AGMO: variants seen among roughly 807,000 people sequenced by gnomAD.
AGMO encodes glyceryl-ether monooxygenase.
In AGMO, 75 loss-of-function variants were observed where a neutral mutation model predicts 60.2. That is an observed-to-expected ratio of 1.25 (90% CI 1.03 to 1.51). The LOEUF (loss-of-function observed/expected upper bound fraction) is 1.51. Among genes scored for constraint, AGMO ranks in the 40% most tolerant of loss-of-function variants. The pLI is 0.00. For synonymous variants in AGMO, 261 were observed against 177.1 expected, an observed-to-expected ratio of 1.47 and a Z score of -3.76; for missense variants, 763 against 525.5, an observed-to-expected ratio of 1.45 and a Z score of -4.42.
rs542561156 is a variant in AGMO at position 15,389,866 on chromosome 7, T to C, written c.822+805A>G. Among the ~76,000 whole-genome samples, 8 of 152,306 alleles carry C rather than the reference T, an allele frequency of 5.3e-5. No homozygotes were observed. In the South Asian group the frequency reaches 1.4e-3, roughly 28 times the overall value. On this transcript the variant is annotated intron_variant, in intron 8 of 12. Transcript: ENST00000342526. ...AGCAGTGCACATAGTAGAAGCTCAA[T>C]AGATGTTAACAATTTTGTTATTTCA...
chr7:15,258,310 T>G (rs373695245), intron 12 of AGMO, among the ~76,000 whole-genome samples: 53 of 151,650 alleles, frequency 3.5e-4, no homozygotes, highest in Admixed American at 7.2e-4. Flanking sequence ...TTTCTTTTTT[T>G]GGGGGGGGTG....
At chr7:15,420,535 G>C (rs955788644) in intron 4 of AGMO, among the ~76,000 whole-genome samples, 2 of 152,046 alleles carry the variant, frequency 1.3e-5, no homozygotes, top group African/African-American at 4.8e-5. Flanking sequence ...GATTAATACT[G>C]TTCTAGAAAA....
chr7:15,302,827 A>G (rs1219013105), intron 12 of AGMO, among the ~76,000 whole-genome samples: 1 of 152,174 alleles, frequency 6.6e-6, no homozygotes, highest in Non-Finnish European at 1.5e-5. Context: ...ACTAGAGTTA[A>G]GCTTCATAAA....
chr7:15,420,157 G>A (rs951127646), intron 4 of AGMO, among the ~76,000 whole-genome samples: 1 of 152,072 alleles, frequency 6.6e-6, no homozygotes, highest in African/African-American at 2.4e-5. Flanking sequence ...AAAGTGTGGA[G>A]AAGCAGTCCC....
Position 15,354,494 on chromosome 7 carries a change from GTGTA to G in AGMO, c.1263+11016_1263+11019del, listed in dbSNP as rs1344969062. On this transcript the variant is annotated intron_variant, in intron 12 of 12. Coordinates refer to ENST00000342526, the MANE Select transcript of AGMO (RefSeq NM_001004320.2). The stretch of plus-strand genomic sequence containing the variant: ...TATACACACGTGTGTATATACACAC[GTGTA>G]TATATATATATATATATATATATAT... Among the ~76,000 whole-genome samples the G allele has an allele frequency of 1.0e-3, 12 of 11,598 alleles. 1 individual carries two copies. The highest frequency in any genetic ancestry group is 3.2e-3 in the South Asian group (1 of 312). 7.6% of individuals were successfully genotyped at this position (11,598 alleles called of 152,430 possible). A position where few individuals can be genotyped will look rare whatever the true frequency, so the allele number is the denominator to read the frequency against.
At position 15,365,510 on chromosome 7, in the gene AGMO, T is replaced by C; in HGVS notation, c.1263+4A>G. 1.2e-6 allele frequency: 2 copies of C among 1,603,874 alleles called. No individual in the cohort carries two copies. The highest frequency in any genetic ancestry group is 1.3e-5 in the African/African-American group (1 of 74,676). ...TCCTGTGGCTACCTAAACAAATGTC[T>C]TACCTCAAAAGCAGATGACAATGAA... On this transcript the variant is annotated splice_donor_region_variant and intron_variant, in intron 12 of 12. Transcript: ENST00000342526.
chr7:15,248,835 G>A (rs933546295), intron 12 of AGMO, among the ~76,000 whole-genome samples: 5 of 152,170 alleles, frequency 3.3e-5, no homozygotes, highest in Non-Finnish European at 7.3e-5. Context: ...TTAAAGTGAG[G>A]AGGCAATCTG....
chr7:15,426,047 T>G (rs897136357), intron 4 of AGMO, among the ~76,000 whole-genome samples: 4 of 152,224 alleles, frequency 2.6e-5, no homozygotes, highest in African/African-American at 9.6e-5. Flanking sequence ...TTCAAATATA[T>G]TTTATTGCAA....
intron 10 of AGMO, among the ~76,000 whole-genome samples, chr7:15,383,414 C>G (rs1432333803): frequency 6.6e-6 from 1 of 151,978 alleles, no homozygotes; most frequent in African/African-American, 2.4e-5. Context: ...CTGCCATATA[C>G]AATAAAAAAA....
rs141048152 is a variant in AGMO at position 15,410,914 on chromosome 7, T to A, written c.609+7644A>T. Among the ~76,000 whole-genome samples, 944 of 152,070 alleles carry A rather than the reference T, an allele frequency of 6.2e-3. 11 individuals are homozygous for A. The highest frequency in any genetic ancestry group is 0.021 in the African/African-American group (881 of 41,536). On this transcript the variant is annotated intron_variant, in intron 5 of 12. Coordinates refer to ENST00000342526, the MANE Select transcript of AGMO (RefSeq NM_001004320.2). ...GAAATATGAACTACATTTTTAATCC[T>A]CACAACAATGTATACCCTATGGTTG... is the stretch of plus-strand genomic sequence containing the variant.
intron 12 of AGMO, among the ~76,000 whole-genome samples, chr7:15,222,435 C>G (rs538036327): frequency 6.6e-6 from 1 of 151,962 alleles, no homozygotes; most frequent in African/African-American, 2.4e-5. Context: ...GTGGCTAGAG[C>G]GATTGAGATT....
intron 12 of AGMO, among the ~76,000 whole-genome samples, chr7:15,287,950 G>A (rs1409609948): frequency 1.3e-5 from 2 of 152,034 alleles, no homozygotes; most frequent in Admixed American, 1.3e-4. Context: ...TGGAAATCTT[G>A]ACTCTCAGAT....
chr7:15,208,584 G>A (rs568354362), intron 12 of AGMO, among the ~76,000 whole-genome samples: 103 of 152,290 alleles, frequency 6.8e-4, no homozygotes, highest in African/African-American at 2.2e-3. Flanking sequence ...TCTCTGCTGA[G>A]ATTTTTTATG....
chr7:15,553,815 T>C (rs983286591), intron 2 of AGMO, among the ~76,000 whole-genome samples: 3 of 152,254 alleles, frequency 2.0e-5, no homozygotes, highest in Admixed American at 2.0e-4. Flanking sequence ...CCCAATTTAT[T>C]ACTCCGTCAA....
rs558561558 is a variant in AGMO, at chr7:15,264,785, G to A, written c.1264-63426C>T. ...TAATTAAAAAGTCAAAATATAACAA[G>A]TGCTGGTGAGACTGGGGAGAAAAGG... On this transcript the variant is annotated intron_variant, in intron 12 of 12. Coordinates refer to ENST00000342526, the MANE Select transcript of AGMO (RefSeq NM_001004320.2). 2.1e-3 allele frequency among the ~76,000 whole-genome samples: 326 copies of A among 152,088 alleles called. 1 individual carries two copies. The highest frequency in any genetic ancestry group is 7.4e-3 in the African/African-American group (308 of 41,526).
rs1486326352 is a variant in AGMO, at chr7:15,248,224, A to ATATATC, written c.1264-46866_1264-46865insGATATA. On this transcript the variant is annotated intron_variant, in intron 12 of 12. Coordinates refer to ENST00000342526, the MANE Select transcript of AGMO (RefSeq NM_001004320.2). ...TATATATATATATATATATATATATATCTTCATCTTCAATTCTAGTCTAAA... is the reference window on the plus strand; with the variant it reads ...TATATATATATATATATATATATATATATATCTCTTCATCTTCAATTCTAGTCTAAA... 1.7e-3 allele frequency among the ~76,000 whole-genome samples: 167 copies of ATATATC among 98,590 alleles called. 3 individuals carry two copies. Among genetic ancestry groups the ATATATC allele is most frequent in the African/African-American group, 6.5e-3 (160 of 24,558 alleles). The allele number at this position is 98,590 out of a possible 152,430, so 64.7% of individuals were successfully genotyped here. A position where few individuals can be genotyped will look rare whatever the true frequency, so the allele number is the denominator to read the frequency against.
In AGMO at chr7:15,387,026, GT is replaced by G. The variant is rs548343641; in HGVS notation, c.957+379del. On this transcript the variant is annotated intron_variant, in intron 9 of 12. Transcript: ENST00000342526. The stretch of plus-strand genomic sequence containing the variant: ...GGGGCCTCAGTTTTTCATGAGTGGA[GT>G]TAAGTTTAGACTGGCTCATTCCTAA... Among the ~76,000 whole-genome samples the G allele has an allele frequency of 2.8e-3, 432 of 152,064 alleles. 1 individual carries two copies. The highest frequency in any genetic ancestry group is 9.7e-3 in the African/African-American group (402 of 41,558).
At chr7:15,375,949 A>G (rs959043312) in intron 10 of AGMO, among the ~76,000 whole-genome samples, 1 of 152,262 alleles carries the variant, frequency 6.6e-6, no homozygotes, top group Admixed American at 6.5e-5. Context: ...CAAAGTTAAC[A>G]TTCTATTATT....
At chr7:15,223,108 TA>T (rs1327523661) in intron 12 of AGMO, among the ~76,000 whole-genome samples, 2 of 152,102 alleles carry the variant, frequency 1.3e-5, no homozygotes, top group Non-Finnish European at 2.9e-5. Flanking sequence ...TATGTGTAGA[TA>T]AATCATAACA....
Sources: allele counts gnomAD v4.1 joint callset (sites outside exome capture counted in the v4.1 genomes callset), GRCh38; gene constraint gnomAD v4.1.1; transcripts MANE v1.5; gene names NCBI Gene and HGNC (gene_info 2026-07-23, HGNC 2026-07-21).